RSPO1: variants seen among roughly 807,000 people sequenced by gnomAD.
The protein encoded by RSPO1 is R-spondin 1.
In RSPO1, 18 loss-of-function variants were observed where a neutral mutation model predicts 26.0. The observed-to-expected ratio is 0.69, with a 90% CI of 0.48 to 1.03. The LOEUF is 1.03. Ranked by LOEUF, RSPO1 falls within the 50% of genes least tolerant of loss-of-function variation. RSPO1 has a pLI of 0.00. For synonymous variants in RSPO1, 133 were observed against 137.4 expected, an observed-to-expected ratio of 0.97 and a Z score of 0.22; for missense variants, 309 against 352.3, an observed-to-expected ratio of 0.88 and a Z score of 0.98.
intron 3 of RSPO1, among the ~76,000 whole-genome samples, chr1:37,616,997 C>T (rs528053291): frequency 1.3e-5 from 2 of 152,308 alleles, no homozygotes; most frequent in Admixed American, 1.3e-4. Context: ...TATCCACTCT[C>T]CCCAGAGCAC....
In RSPO1 at chr1:37,629,713, T is replaced by C. The variant is rs889534654; in HGVS notation, c.-52A>G. ...GTCGGAGGGGTGGTCTCGGGGAGGG[T>C]GGATAGCACACGGCTCTTGCTAACA... On this transcript the variant is annotated 5_prime_UTR_variant, in exon 3 of 7. Coordinates refer to ENST00000356545, the MANE Select transcript of RSPO1 (RefSeq NM_001242908.2). The C allele has an allele frequency of 1.2e-6, 2 of 1,606,172 alleles. No individual in the cohort carries two copies. Among genetic ancestry groups the C allele is most frequent in the Non-Finnish European group, 8.5e-7 (1 of 1,176,722 alleles).
At position 37,633,024 on chromosome 1, in the gene RSPO1, A is replaced by G. The variant is rs1173685586; in HGVS notation, c.-355-671T>C. 2.0e-5 allele frequency among the ~76,000 whole-genome samples: 3 copies of G among 152,234 alleles called. 1 individual carries two copies. Among genetic ancestry groups the G allele is most frequent in the African/African-American group, 7.2e-5 (3 of 41,456 alleles). ...GTGCCTCAGGTTATTGGTGGGGGTA[A>G]GAAAGGGCATTTCTCTCTGCCACTG... On this transcript the variant is annotated intron_variant, in intron 1 of 6. Coordinates refer to ENST00000356545, the MANE Select transcript of RSPO1 (RefSeq NM_001242908.2).
intron 3 of RSPO1, among the ~76,000 whole-genome samples, chr1:37,625,845 A>G (rs944413818): frequency 6.6e-6 from 1 of 151,994 alleles, no homozygotes; most frequent in African/African-American, 2.4e-5. Context: ...CTCCTGGCTA[A>G]TTTTTGTATT....
chr1:37,629,495 A>G (rs1644324702), intron 3 of RSPO1, 73 bp downstream of exon 3: 2 of 1,244,366 alleles, frequency 1.6e-6, no homozygotes, highest in Non-Finnish European at 2.4e-6. Flanking sequence ...AAAACTCCTG[A>G]AGACCCCTAG....
At chr1:37,624,424 G>A (rs1644247770) in intron 3 of RSPO1, among the ~76,000 whole-genome samples, 1 of 152,018 alleles carries the variant, frequency 6.6e-6, no homozygotes, top group Admixed American at 6.5e-5. Context: ...CCTCCTTCCT[G>A]ACTTCTTCAG....
chr1:37,616,348 T>C (rs1388267496), intron 4 of RSPO1, 136 bp downstream of exon 4: 43 of 744,972 alleles, frequency 5.8e-5, no homozygotes, highest in Non-Finnish European at 9.1e-5. Flanking sequence ...TGCGGCTGGA[T>C]ACTTGAATCG....
chr1:37,625,072 C>G (rs1644256695), intron 3 of RSPO1, among the ~76,000 whole-genome samples: 1 of 152,242 alleles, frequency 6.6e-6, no homozygotes, highest in Non-Finnish European at 1.5e-5. Flanking sequence ...CACCTCCCTG[C>G]AAAGTCTCAA....
At chr1:37,614,538 G>A (rs546267061) in intron 4 of RSPO1, among the ~76,000 whole-genome samples, 16 of 152,198 alleles carry the variant, frequency 1.1e-4, no homozygotes, top group African/African-American at 3.1e-4. Flanking sequence ...AAGCTGAAGC[G>A]GTTGCTCCTG....
chr1:37,615,362 G>A (rs887145418), intron 4 of RSPO1, among the ~76,000 whole-genome samples: 1 of 152,170 alleles, frequency 6.6e-6, no homozygotes, highest in Non-Finnish European at 1.5e-5. Flanking sequence ...AGACACTAAG[G>A]GCTTTACATG....
chr1:37,628,374 A>G (rs945647063), intron 3 of RSPO1, among the ~76,000 whole-genome samples: 6 of 152,174 alleles, frequency 3.9e-5, no homozygotes, highest in Admixed American at 3.9e-4. Flanking sequence ...AGCTTCACCA[A>G]TTCTCTGAGC....
At chr1:37,617,151 G>A (rs1644126625) in intron 3 of RSPO1, among the ~76,000 whole-genome samples, 1 of 152,164 alleles carries the variant, frequency 6.6e-6, no homozygotes, top group Non-Finnish European at 1.5e-5. Flanking sequence ...CCTAGAACAG[G>A]GGTCTCAACC....
In RSPO1 at chr1:37,613,805, C is replaced by T. The variant is rs143117795; in HGVS notation, c.524G>A (p.Arg175Gln). 46 of 1,614,026 alleles carry T rather than the reference C, an allele frequency of 2.9e-5. No individual in the cohort carries two copies. Among genetic ancestry groups the T allele is most frequent in the African/African-American group, 1.1e-4 (8 of 75,048 alleles). Residue 175 changes from arginine to glutamine, a missense_variant, in exon 6 of 7, where the codon CGG becomes CAG. Arg to Gln is a conservative substitution (Grantham distance 43, BLOSUM62 1). Transcript: ENST00000356545. This position sits in a 1 kb window ranked among gnomAD's most constrained non-coding sequence, Gnocchi z 4.5. ...LCGFRRGSEE[R>Q]TRRVLHAPVG... ...AGGGGCATGTAGCACCCTGCGTGTC[C>T]GCTCCTCGGAGCCCCTCCGGAAACC...
rs976955291 is a variant in RSPO1 at position 37,632,369 on chromosome 1, G to A, written c.-355-16C>T. 6.6e-6 allele frequency: 1 copy of A among 152,214 alleles called. No individual in the cohort carries two copies. Among genetic ancestry groups the A allele is most frequent in the African/African-American group, 2.4e-5 (1 of 41,442 alleles). 9.4% of individuals were successfully genotyped at this position (152,214 alleles called of 1,614,324 possible). The stretch of plus-strand genomic sequence containing the variant: ...ACAATCTCAGCTGGAAAATCGTAAG[G>A]AGGATCCAGATGTAAATTTCACTGA... On this transcript the variant is annotated splice_polypyrimidine_tract_variant and intron_variant, in intron 1 of 6. Coordinates refer to ENST00000356545, the MANE Select transcript of RSPO1 (RefSeq NM_001242908.2).
rs546386523 is a variant in RSPO1, at chr1:37,621,760, G to GTTCTTTT, written c.95-5092_95-5086dup. ...TTTTGGCTGGAGATTGAGACGCTGA[G>GTTCTTTT]TTCTTTTTTCTTTTTTCTTTTTTCT... On this transcript the variant is annotated intron_variant, in intron 3 of 6. Transcript: ENST00000356545. Among the ~76,000 whole-genome samples, 155 of 151,514 alleles carry GTTCTTTT rather than the reference G, an allele frequency of 1.0e-3. 1 individual carries two copies. The highest frequency in any genetic ancestry group is 3.1e-3 in the East Asian group (16 of 5,170).
At chr1:37,628,580 G>A (rs146431037) in intron 3 of RSPO1, among the ~76,000 whole-genome samples, 101 of 152,360 alleles carry the variant, frequency 6.6e-4, no homozygotes, top group African/African-American at 2.3e-3. Flanking sequence ...AGACAGATGA[G>A]GACTTGGGAC....
rs201499112 is a variant in RSPO1 at position 37,616,655 on chromosome 1, C to G, written c.115G>C (p.Ala39Pro). ...QRRISAEGSQ[A>P]CAKGCELCSE... Reference sequence around the variant, plus strand: ...CAGAGCTCACAGCCTTTGGCACAGGCCTGGCTCCCCTCGGCACTGACTGCA... The same window carrying G: ...CAGAGCTCACAGCCTTTGGCACAGGGCTGGCTCCCCTCGGCACTGACTGCA... The change falls in exon 4 of 7, where the codon GCC becomes CCC. Residue 39 changes from alanine to proline, a missense_variant. Physicochemically the swap from Ala to Pro is conservative, Grantham distance 27 (BLOSUM62 -1). Transcript: ENST00000356545. 27 of 1,614,038 alleles carry G rather than the reference C, an allele frequency of 1.7e-5. No individual in the cohort carries two copies. Among genetic ancestry groups the G allele is most frequent in the African/African-American group, 1.3e-4 (10 of 75,070 alleles).
chr1:37,617,717 G>A (rs930990005), intron 3 of RSPO1, among the ~76,000 whole-genome samples: 1 of 145,052 alleles, frequency 6.9e-6, no homozygotes, highest in Non-Finnish European at 1.5e-5. Context: ...AGGCTTCATG[G>A]TTTTCCATCC....
intron 3 of RSPO1, among the ~76,000 whole-genome samples, chr1:37,618,846 A>G (rs1644156589): frequency 1.3e-5 from 2 of 152,114 alleles, no homozygotes; most frequent in Admixed American, 1.3e-4. Context: ...GGAGATGGGA[A>G]TGGGAGTGGA....
chr1:37,629,922 G>A lies in RSPO1; in HGVS notation c.-261C>T, dbSNP rs1468018534. 7.2e-6 allele frequency: 11 copies of A among 1,523,670 alleles called. No individual in the cohort carries two copies. Among genetic ancestry groups the A allele is most frequent in the East Asian group, 4.9e-5 (2 of 40,796 alleles). 94.4% of individuals were successfully genotyped at this position (1,523,670 alleles called of 1,614,324 possible). On this transcript the variant is annotated 5_prime_UTR_variant, in exon 3 of 7. The change creates a new upstream start codon in the 5' untranslated region. Transcript: ENST00000356545. ...ATCATATGAGAGATCTTTTTGTCAC[G>A]TCAGCAGGGACTACTCCAAAAACCA...
Sources: allele counts gnomAD v4.1 joint callset (sites outside exome capture counted in the v4.1 genomes callset), GRCh38; gene constraint gnomAD v4.1.1; non-coding constraint Gnocchi (gnomAD v3.1); transcripts MANE v1.5; gene names NCBI Gene and HGNC (gene_info 2026-07-23, HGNC 2026-07-21).